Variants in MYL12B observed in about 807,000 individuals in gnomAD.
MYL12B encodes myosin light chain 12B, also known as myosin regulatory light chain 12B.
MYL12B carries 3 observed loss-of-function variants against 12.9 expected under a neutral mutation model. The ratio of observed to expected loss-of-function variants is 0.23; its 90% CI spans 0.11 to 0.60. The LOEUF (loss-of-function observed/expected upper bound fraction) is 0.60, where lower values mean the gene tolerates loss of function less well. MYL12B is among the 20% of genes least tolerant of loss of function. The probability of loss-of-function intolerance (pLI) is 0.89; values close to 1 mark genes in which losing one functional copy is unlikely to be tolerated. For synonymous variants in MYL12B, 57 were observed against 71.9 expected (o/e 0.79, Z 1.05); for missense variants, 120 against 215.4 (o/e 0.56, Z 2.77).
intron 1 of MYL12B, among the ~76,000 whole-genome samples, chr18:3,269,596 C>T (rs1341904719): frequency 6.6e-6 from 1 of 152,170 alleles, no homozygotes; most frequent in Non-Finnish European, 1.5e-5. Flanking sequence ...GTGCCTTTCA[C>T]AGGCATTTGG....
chr18:3,276,207 G>A (rs541688261), intron 2 of MYL12B, among the ~76,000 whole-genome samples: 1 of 150,794 alleles, frequency 6.6e-6, no homozygotes, highest in African/African-American at 2.4e-5. Flanking sequence ...TCTACATAAG[G>A]CAGCACTGAA....
At chr18:3,263,589 A>G (rs1567988467) in intron 1 of MYL12B, among the ~76,000 whole-genome samples, 1 of 152,236 alleles carries the variant, frequency 6.6e-6, no homozygotes. Flanking sequence ...AGATGTCCAG[A>G]CAAGAGTTGC....
At chr18:3,272,036 A>T in intron 1 of MYL12B, 1 of 984,830 alleles carries the variant, frequency 1.0e-6, no homozygotes, top group Non-Finnish European at 1.2e-6. Flanking sequence ...TCTAAAATAA[A>T]AAACAGAAGG....
chr18:3,277,488 C>CT, intron 3 of MYL12B, 74 bp downstream of exon 3: 4 of 1,539,082 alleles, frequency 2.6e-6, no homozygotes, highest in South Asian at 2.5e-5. Flanking sequence ...AAGGGGTTTT[C>CT]TTTTTTTACC....
rs886442423 is a variant in MYL12B, at chr18:3,272,110, T to C, written c.-15-774T>C. On this transcript the variant is annotated intron_variant, in intron 1 of 3. Transcript: ENST00000237500. ...AAGTCTTGTCAAGGGAAAAGGGAAATGCAGGGATAGCTAGAAAGATGAAAG... is the reference window on the plus strand; with the variant it reads ...AAGTCTTGTCAAGGGAAAAGGGAAACGCAGGGATAGCTAGAAAGATGAAAG... 5.7e-5 allele frequency: 56 copies of C among 985,154 alleles called. No homozygotes were observed. In the Admixed American group the frequency reaches 1.9e-3, roughly 34 times the overall value. 61.0% of individuals were successfully genotyped at this position (985,154 alleles called of 1,614,324 possible).
At chr18:3,277,087 TTTAAG>T in intron 2 of MYL12B, 161 bp from the exon 3 acceptor site, 1 of 932,226 alleles carries the variant, frequency 1.1e-6, no homozygotes, top group Non-Finnish European at 1.3e-6. Flanking sequence ...TCCAATATTT[TTTAAG>T]TTGTCAAAAA....
intron 1 of MYL12B, among the ~76,000 whole-genome samples, chr18:3,266,448 G>A (rs1347947021): frequency 3.4e-5 from 1 of 29,148 alleles, no homozygotes; most frequent in African/African-American, 1.3e-4. Flanking sequence ...TGGTTACACG[G>A]GTCAACACTT....
chr18:3,274,116 A>G (rs2144363191), intron 2 of MYL12B, among the ~76,000 whole-genome samples: 1 of 152,250 alleles, frequency 6.6e-6, no homozygotes, highest in South Asian at 2.1e-4. Flanking sequence ...AGAATCAAAG[A>G]TTTTTATCTG....
At chr18:3,264,555 C>T (rs1006919434) in intron 1 of MYL12B, among the ~76,000 whole-genome samples, 4 of 152,096 alleles carry the variant, frequency 2.6e-5, no homozygotes, top group Non-Finnish European at 5.9e-5. Flanking sequence ...CCACCCACTC[C>T]TTGCAAAGTA....
intron 2 of MYL12B, among the ~76,000 whole-genome samples, chr18:3,275,679 G>A (rs1323227824): frequency 6.6e-6 from 1 of 152,080 alleles, no homozygotes; most frequent in Non-Finnish European, 1.5e-5. Context: ...GTCTTGAGCG[G>A]GTCCATAAGT....
At chr18:3,276,958 G>T (rs891639969) in intron 2 of MYL12B, 1 of 983,276 alleles carries the variant, frequency 1.0e-6, no homozygotes, top group Non-Finnish European at 1.2e-6. Context: ...GTAATAATGT[G>T]GCACTGCCTG....
chr18:3,264,634 C>T (rs1327584728), intron 1 of MYL12B, among the ~76,000 whole-genome samples: 2 of 152,164 alleles, frequency 1.3e-5, no homozygotes, highest in African/African-American at 2.4e-5. Context: ...CACTTGAGTC[C>T]AGGAGTTCAA....
chr18:3,277,710 C>A, intron 3 of MYL12B, 55 bp from the exon 4 acceptor site: 1 of 1,553,160 alleles, frequency 6.4e-7, no homozygotes, highest in Non-Finnish European at 8.7e-7. Flanking sequence ...AGGAATGAAC[C>A]ATCAAAGTGC....
intron 1 of MYL12B, among the ~76,000 whole-genome samples, chr18:3,271,674 A>G (rs935088909): frequency 6.6e-6 from 1 of 152,182 alleles, no homozygotes; most frequent in Admixed American, 6.5e-5. Context: ...TCACAGATAC[A>G]TAGGTTTTCA....
Position 3,277,269 on chromosome 18 carries a change from T to C in MYL12B, c.201T>C (p.Asp67=). 1 of 1,608,554 alleles carries C rather than the reference T, an allele frequency of 6.2e-7. No individual in the cohort carries two copies. Among genetic ancestry groups the C allele is most frequent in the African/African-American group, 1.3e-5 (1 of 74,790 alleles). The change falls in exon 3 of 4, where the codon GAT becomes GAC. Residue 67 remains aspartate (D), a synonymous_variant. Coordinates refer to ENST00000237500, the MANE Select transcript of MYL12B (RefSeq NM_033546.4). The stretch of plus-strand genomic sequence containing the variant: ...TTCTTACAGGGAAGAATCCCACTGA[T>C]GCATACCTTGATGCCATGATGAATG... ...MLASLGKNPT[D]AYLDAMMNEA...
At chr18:3,274,388 C>T (rs1337783646) in intron 2 of MYL12B, among the ~76,000 whole-genome samples, 6 of 152,146 alleles carry the variant, frequency 3.9e-5, no homozygotes, top group Non-Finnish European at 4.4e-5. Context: ...TTTAAAGATA[C>T]GTGTTAAAAG....
At chr18:3,269,879 A>G (rs1598807421) in intron 1 of MYL12B, among the ~76,000 whole-genome samples, 6 of 152,346 alleles carry the variant, frequency 3.9e-5, no homozygotes, top group African/African-American at 1.2e-4. Flanking sequence ...TCTTTCCAAT[A>G]TAATGCTTAG....
intron 1 of MYL12B, among the ~76,000 whole-genome samples, chr18:3,268,285 A>T (rs1249735570): frequency 6.6e-6 from 1 of 152,224 alleles, no homozygotes; most frequent in Non-Finnish European, 1.5e-5. Flanking sequence ...TTGCAGAGGA[A>T]GGAAGAAGTG....
intron 1 of MYL12B, chr18:3,272,165 C>G (rs2081684252): frequency 5.9e-6 from 5 of 848,274 alleles, no homozygotes; most frequent in Non-Finnish European, 6.5e-6. Flanking sequence ...AAGATGAGAC[C>G]TTTTTTGAAC....
Sources: gnomAD v4.1 joint callset for allele counts (sites outside exome capture counted in the v4.1 genomes callset) on GRCh38, gnomAD v4.1.1 for gene constraint, MANE v1.5 for transcripts, NCBI Gene and HGNC (gene_info 2026-07-23, HGNC 2026-07-21) for gene names.